The following BNC1 variants were observed in gnomAD, a reference collection of about 807,000 sequenced individuals.
The protein encoded by BNC1 is zinc finger protein basonuclin-1.
Under a neutral mutation model 66.5 loss-of-function variants are expected in BNC1, and 8 were observed. The ratio of observed to expected loss-of-function variants is 0.12; its 90% CI spans 0.07 to 0.22. The LOEUF is 0.22. Among genes scored for constraint, BNC1 ranks in the 10% least tolerant of loss-of-function variants. BNC1 has a pLI of 1.00. For missense variants in BNC1, 1,069 were observed against 1,241.3 expected (o/e 0.86, Z 2.09); for synonymous variants, 454 against 452.6 (o/e 1.00, Z -0.04).
At position 83,257,541 on chromosome 15, in the gene BNC1, G is replaced by C; in HGVS notation, c.2886C>G (p.Gly962=). 6.2e-7 allele frequency: 1 copy of C among 1,614,146 alleles called. No homozygotes were observed. Among genetic ancestry groups the C allele is most frequent in the Non-Finnish European group, 8.5e-7 (1 of 1,180,032 alleles). The change falls in exon 5 of 5, where the codon GGC becomes GGG. Residue 962 remains glycine (G), a synonymous_variant. Transcript: ENST00000345382. ...GAACAGACGAAAACATGGTGTTGCA[G>C]CCTGGTACTTTGCATTTGTGGAGCT... ...LRQLHKCKVP[G]CNTMFSSVRS...
chr15:83,279,588 A>C (rs963911640), intron 1 of BNC1, among the ~76,000 whole-genome samples: 8 of 152,212 alleles, frequency 5.3e-5, no homozygotes, highest in African/African-American at 1.9e-4. Flanking sequence ...CACAGAGCAC[A>C]GGTCTCTGTT....
chr15:83,258,489 T>C (rs987319673), intron 4 of BNC1, among the ~76,000 whole-genome samples: 3 of 152,186 alleles, frequency 2.0e-5, no homozygotes, highest in Admixed American at 2.0e-4. Flanking sequence ...GAAGCTTTCC[T>C]TAACTTCTCA....
rs762812616 is a variant in BNC1 at position 83,257,459 on chromosome 15, G to C, written c.2968C>G (p.Pro990Ala). The C allele has an allele frequency of 2.5e-6, 4 of 1,612,552 alleles. No individual in the cohort carries two copies. In the East Asian group the frequency reaches 8.9e-5, roughly 36 times the overall value. The change falls in exon 5 of 5, where the codon CCA becomes GCA. Residue 990 changes from proline to alanine, a missense_variant. Coordinates refer to ENST00000345382, the MANE Select transcript of BNC1 (RefSeq NM_001717.4). ...CCATCTTGTTACTGGAGGTGACTTG[G>C]AGATGAGGCCAGGCTTTTGTGCAGG... The part of the protein sequence containing the change: ...PNLHKSLASS[P>A]SHLQ
rs1403530381 is a variant in BNC1 at position 83,258,003 on chromosome 15, C to T, written c.2424G>A (p.Val808=). The part of the protein sequence containing the change: ...KDVAKEAYQD[V]AFTQQASQTS... ...TCTGGGAGGCTTGCTGTGTAAAAGC[C>T]ACATCCTGATAGGCTTCCTTAGCCA... The change falls in exon 5 of 5, where the codon GTG becomes GTA. Residue 808 remains valine, a synonymous_variant. Coordinates refer to ENST00000345382, the MANE Select transcript of BNC1 (RefSeq NM_001717.4). The T allele has an allele frequency of 6.2e-7, 1 of 1,614,104 alleles. No homozygotes were observed. Among genetic ancestry groups the T allele is most frequent in the South Asian group, 1.1e-5 (1 of 91,086 alleles).
chr15:83,264,447 C>T lies in BNC1; in HGVS notation c.804G>A (p.Gln268=), dbSNP rs2038192425. 1 of 1,614,176 alleles carries T rather than the reference C, an allele frequency of 6.2e-7. No homozygotes were observed. Among genetic ancestry groups the T allele is most frequent in the African/African-American group, 1.3e-5 (1 of 75,026 alleles). Reference sequence around the variant, plus strand: ...TGGGGTCCTGACTTTGGTCATGACCCTGCTCCAACATATATTGTTCGGGCA... The same window carrying T: ...TGGGGTCCTGACTTTGGTCATGACCTTGCTCCAACATATATTGTTCGGGCA... ...GSLPEQYMLE[Q]GHDQSQDPKQ... is the part of the protein sequence containing the mutation. The change falls in exon 4 of 5, where the codon CAG becomes CAA. Residue 268 remains glutamine, a synonymous_variant. Coordinates refer to ENST00000345382, the MANE Select transcript of BNC1 (RefSeq NM_001717.4).
Position 83,284,549 on chromosome 15 carries a change from C to A in BNC1, c.80G>T (p.Ser27Ile). 1 of 1,162,456 alleles carries A rather than the reference C, an allele frequency of 8.6e-7. No individual in the cohort carries two copies. The highest frequency in any genetic ancestry group is 1.1e-6 in the Non-Finnish European group (1 of 936,686). 72.0% of individuals were successfully genotyped at this position (1,162,456 alleles called of 1,614,324 possible). The change falls in exon 1 of 5, where the codon AGC becomes ATC. Residue 27 changes from serine (S) to isoleucine (I), a missense_variant. Physicochemically the swap from Ser to Ile is moderately radical, Grantham distance 142. Transcript: ENST00000345382. ...GCTTACCTCGGCCATCCTGCGACCG[C>A]TGCGGTGCCGGGGCTGCCGGCGCGT... ...RETRRQPRHR[S>I]GRRMAEAISC...
intron 4 of BNC1, among the ~76,000 whole-genome samples, chr15:83,258,650 C>T (rs1275692795): frequency 6.6e-6 from 1 of 152,124 alleles, no homozygotes; most frequent in African/African-American, 2.4e-5. Flanking sequence ...CAGGAGATCC[C>T]AGGAGAAAAC....
intron 1 of BNC1, among the ~76,000 whole-genome samples, chr15:83,275,503 A>C (rs1055178314): frequency 8.6e-5 from 13 of 152,004 alleles, no homozygotes; most frequent in African/African-American, 3.1e-4. Flanking sequence ...AAAAAAAAAA[A>C]AAAAAACTAA....
rs1031865957 is a variant in BNC1, at chr15:83,257,953, C to T, written c.2474G>A (p.Ser825Asn). The T allele has an allele frequency of 1.2e-6, 2 of 1,614,050 alleles. No homozygotes were observed. The highest frequency in any genetic ancestry group is 2.7e-5 in the African/African-American group (2 of 74,934). ...TGGGTAAACCAGACTGCCCATTCGA[C>T]TTGTTCCTTTGAAGATGACAGATGT... is the stretch of plus-strand genomic sequence containing the variant. ...SQTSVIFKGT[S>N]RMGSLVYPIT... Residue 825 changes from serine (S) to asparagine (N), a missense_variant, in exon 5 of 5, where the codon AGT becomes AAT. Transcript: ENST00000345382.
intron 3 of BNC1, among the ~76,000 whole-genome samples, chr15:83,266,622 T>C (rs2038220415): frequency 6.6e-6 from 1 of 152,152 alleles, no homozygotes; most frequent in Non-Finnish European, 1.5e-5. Flanking sequence ...TCAGAGAATA[T>C]GTAATGCTCC....
chr15:83,268,207 C>A lies in BNC1; in HGVS notation c.125G>T (p.Ser42Ile). 1 of 1,614,160 alleles carries A rather than the reference C, an allele frequency of 6.2e-7. No individual in the cohort carries two copies. The highest frequency in any genetic ancestry group is 8.5e-7 in the Non-Finnish European group (1 of 1,180,012). ...AEAISCTLNCSCQSFKPGKIN... is the reference protein window; with the variant it reads ...AEAISCTLNCICQSFKPGKIN... ...TTTCCCGGGTTTGAAACTTTGGCAA[C>A]TACAGTTCAGAGTACAGCTGATAGC... The change falls in exon 2 of 5, where the codon AGT becomes ATT. Residue 42 changes from serine to isoleucine, a missense_variant. Physicochemically the swap from Ser to Ile is moderately radical, Grantham distance 142 (BLOSUM62 -2). This residue lies in a region of BNC1 where 78 missense variants were observed against 80.9 expected (regional missense o/e 0.96). Transcript: ENST00000345382.
At chr15:83,278,592 C>A (rs1164381821) in intron 1 of BNC1, among the ~76,000 whole-genome samples, 2 of 152,118 alleles carry the variant, frequency 1.3e-5, no homozygotes, top group East Asian at 1.9e-4. Flanking sequence ...AATGTGTATC[C>A]TTTGCTATAT....
Position 83,264,279 on chromosome 15 carries a change from G to A in BNC1, c.972C>T (p.Ser324=). The A allele has an allele frequency of 6.2e-7, 1 of 1,614,176 alleles. No individual in the cohort carries two copies. The highest frequency in any genetic ancestry group is 8.5e-7 in the Non-Finnish European group (1 of 1,180,040). The part of the protein sequence containing the change: ...KEDSTHLSDS[S]SYNIVTKFER... ...CAAACTTAGTGACAATGTTGTATGAGCTGGAGTCACTTAAATGGGTGCTGT... is the reference window on the plus strand; with the variant it reads ...CAAACTTAGTGACAATGTTGTATGAACTGGAGTCACTTAAATGGGTGCTGT... Residue 324 remains serine (S), a synonymous_variant, in exon 4 of 5, where the codon AGC becomes AGT. Coordinates refer to ENST00000345382, the MANE Select transcript of BNC1 (RefSeq NM_001717.4).
intron 2 of BNC1, 143 bp from the exon 3 acceptor site, chr15:83,267,214 T>C (rs1387382263): frequency 1.7e-5 from 11 of 642,488 alleles, no homozygotes; most frequent in Middle Eastern, 4.1e-4. Flanking sequence ...AATACCTTAA[T>C]AGCTATGAAA....
At position 83,263,867 on chromosome 15, in the gene BNC1, C is replaced by A; in HGVS notation, c.1384G>T (p.Asp462Tyr). ...PPPSYPGSGE[D>Y]SKGQPAFPNI... is the part of the protein sequence containing the mutation. ...GGGAAGGCTGGTTGGCCTTTGGAAT[C>A]CTCTCCTGAACCAGGGTAGCTGGGA... is the stretch of plus-strand genomic sequence containing the variant. Residue 462 changes from aspartate (D) to tyrosine (Y), a missense_variant, in exon 4 of 5, where the codon GAT (aspartate) becomes TAT (tyrosine). Physicochemically the swap from Asp to Tyr is radical, Grantham distance 160. Around this residue, in one of 7 missense-constraint regions of BNC1, gnomAD observed 657 missense variants for 715.8 expected, o/e 0.92. Coordinates refer to ENST00000345382, the MANE Select transcript of BNC1 (RefSeq NM_001717.4). The A allele has an allele frequency of 1.2e-6, 2 of 1,614,196 alleles. No homozygotes were observed. Among genetic ancestry groups the A allele is most frequent in the South Asian group, 2.2e-5 (2 of 91,066 alleles).
intron 3 of BNC1, among the ~76,000 whole-genome samples, chr15:83,266,547 T>G (rs2038219796): frequency 6.6e-6 from 1 of 152,086 alleles, no homozygotes; most frequent in Non-Finnish European, 1.5e-5. Context: ...ATGAAAGACA[T>G]GGAGGCAGCA....
intron 1 of BNC1, among the ~76,000 whole-genome samples, chr15:83,278,671 T>G (rs1298638558): frequency 6.6e-6 from 1 of 152,140 alleles, no homozygotes; most frequent in Non-Finnish European, 1.5e-5. Context: ...ATCAAATAAA[T>G]GAAGAACTGG....
At chr15:83,279,472 T>C (rs183982936) in intron 1 of BNC1, among the ~76,000 whole-genome samples, 66 of 152,270 alleles carry the variant, frequency 4.3e-4, no homozygotes, top group Admixed American at 8.5e-4. Context: ...GAGGGCTTCC[T>C]CCAGGAAGAA....
chr15:83,258,177 G>A (rs369030931), intron 4 of BNC1, 51 bp from the exon 5 acceptor site: 2 of 1,517,966 alleles, frequency 1.3e-6, no homozygotes, highest in African/African-American at 2.8e-5. Flanking sequence ...TTTAGAAACA[G>A]TCATCATTCT....
Sources: allele counts gnomAD v4.1 joint callset (sites outside exome capture counted in the v4.1 genomes callset), GRCh38; gene constraint gnomAD v4.1.1; regional missense constraint gnomAD v4.1.1; transcripts MANE v1.5; gene names NCBI Gene and HGNC (gene_info 2026-07-23, HGNC 2026-07-21).